Variants in AGGF1 observed in about 807,000 individuals in gnomAD.
AGGF1 encodes the protein angiogenic factor with G patch and FHA domains 1.
A neutral mutation model predicts 86.5 loss-of-function variants in AGGF1; 56 were observed. That is an observed-to-expected ratio of 0.65 (90% CI 0.52 to 0.81). AGGF1 has a LOEUF of 0.81. AGGF1 is among the 30% of genes least tolerant of loss of function. The probability of loss-of-function intolerance (pLI) is 0.00; values close to 1 mark genes in which losing one functional copy is unlikely to be tolerated. For synonymous variants in AGGF1, 313 were observed against 297.1 expected (o/e 1.05, Z -0.55); for missense variants, 816 against 850.9 (o/e 0.96, Z 0.51).
intron 9 of AGGF1, 33 bp downstream of exon 9, chr5:77,052,840 C>A: frequency 6.6e-7 from 1 of 1,505,950 alleles, no homozygotes; most frequent in Non-Finnish European, 9.2e-7. Context: ...GTTACCTGCA[C>A]ATTATTTTTA....
chr5:77,043,833 G>A (rs1428055340), intron 5 of AGGF1, among the ~76,000 whole-genome samples: 2 of 124,262 alleles, frequency 1.6e-5, no homozygotes, highest in Non-Finnish European at 3.6e-5. Context: ...CGGGGTGGTT[G>A]CCAGGCAGAG....
rs753285795 is a variant in AGGF1, at chr5:77,030,797, T to TCGCCGCCGCCGC, written c.33_44dup (p.Pro12_Pro15dup). The TCGCCGCCGCCGC allele has an allele frequency of 6.3e-7, 1 of 1,594,324 alleles. No individual in the cohort carries two copies. Among genetic ancestry groups the TCGCCGCCGCCGC allele is most frequent in the Non-Finnish European group, 8.5e-7 (1 of 1,174,316 alleles). On this transcript the variant is annotated inframe_insertion, in exon 1 of 14. Coordinates refer to ENST00000312916, the MANE Select transcript of AGGF1 (RefSeq NM_018046.5). ...CTCGGAGGCGCCGTCCCCGCCGCGGTCGCCGCCGCCGCCCACCTCCCCCGA... is the reference window on the plus strand; with the variant it reads ...CTCGGAGGCGCCGTCCCCGCCGCGGTCGCCGCCGCCGCCGCCGCCGCCGCCCACCTCCCCCGA...
chr5:77,058,251 A>G (rs1308355035), intron 11 of AGGF1, among the ~76,000 whole-genome samples: 1 of 152,166 alleles, frequency 6.6e-6, no homozygotes, highest in Non-Finnish European at 1.5e-5. Flanking sequence ...TAATCCTGTA[A>G]ATAGACCAGG....
At position 77,040,859 on chromosome 5, in the gene AGGF1, TCTGTC is replaced by T. The variant is rs1392557193; in HGVS notation, c.870+1150_870+1154del. ...CTTCTGTCCTGTCCTGTTCTGTCCTTCTGTCCTGTCCTGTTCTTTTTTGAGACAGG... is the reference window on the plus strand; with the variant it reads ...CTTCTGTCCTGTCCTGTTCTGTCCTTCTGTCCTGTTCTTTTTTGAGACAGG... On this transcript the variant is annotated intron_variant, in intron 5 of 13. Transcript: ENST00000312916. Among the ~76,000 whole-genome samples, 8 of 152,284 alleles carry T rather than the reference TCTGTC, an allele frequency of 5.3e-5. No individual in the cohort carries two copies. In the South Asian group the frequency reaches 1.2e-3, roughly 24 times the overall value.
chr5:77,039,686 A>C lies in AGGF1; in HGVS notation c.837A>C (p.Lys279Asn). Reference sequence around the variant, plus strand: ...ATAAAAAATTGAAGAAGAAAAGAAAAGATCCAGATTCTTCTGCAACAAATG... The same window carrying C: ...ATAAAAAATTGAAGAAGAAAAGAAACGATCCAGATTCTTCTGCAACAAATG... ...SKDKKLKKKR[K>N]DPDSSATNEE... Residue 279 changes from lysine to asparagine, a missense_variant, in exon 5 of 14, where the codon AAA (lysine) becomes AAC (asparagine). This residue lies in a region of AGGF1 where 565 missense variants were observed against 585.8 expected (regional missense o/e 0.96). Transcript: ENST00000312916. 1 of 1,612,116 alleles carries C rather than the reference A, an allele frequency of 6.2e-7. No homozygotes were observed. Among genetic ancestry groups the C allele is most frequent in the Non-Finnish European group, 8.5e-7 (1 of 1,179,276 alleles).
At chr5:77,052,670 ATAATAAT>A (rs897745722) in intron 8 of AGGF1, 29 bp from the exon 9 acceptor site, 4 of 1,466,396 alleles carry the variant, frequency 2.7e-6, no homozygotes, top group Non-Finnish European at 2.9e-6. Context: ...TTTGAAAAGT[ATAATAAT>A]TAATAATTGC....
chr5:77,031,041 G>T (rs1322856747), intron 1 of AGGF1, 65 bp downstream of exon 1: 10 of 1,552,546 alleles, frequency 6.4e-6, no homozygotes, highest in Non-Finnish European at 8.0e-6. Context: ...GCCCGTGATA[G>T]CCTCGGAAGG....
chr5:77,039,414 C>T (rs1271326630), intron 4 of AGGF1, 117 bp from the exon 5 acceptor site: 8 of 791,418 alleles, frequency 1.0e-5, no homozygotes, highest in Non-Finnish European at 1.6e-5. Context: ...TCATTGTCTT[C>T]TGAAAATACT....
At chr5:77,037,671 G>T (rs904440693) in intron 4 of AGGF1, among the ~76,000 whole-genome samples, 1 of 152,164 alleles carries the variant, frequency 6.6e-6, no homozygotes, top group Non-Finnish European at 1.5e-5. Flanking sequence ...AGCTACTCAG[G>T]AGGCTGATGT....
intron 5 of AGGF1, among the ~76,000 whole-genome samples, chr5:77,043,846 T>A: frequency 9.4e-6 from 1 of 105,906 alleles, no homozygotes; most frequent in Non-Finnish European, 2.0e-5. Flanking sequence ...AGGCAGAGGG[T>A]CTCCTCACTT....
At chr5:77,037,395 A>G (rs549165989) in intron 4 of AGGF1, among the ~76,000 whole-genome samples, 30 of 152,374 alleles carry the variant, frequency 2.0e-4, no homozygotes, top group African/African-American at 7.2e-4. Context: ...TTTAGGCCAC[A>G]TAAGGAGACT....
In AGGF1 at chr5:77,063,251, G is replaced by A; in HGVS notation, c.2144G>A (p.Ter715=). The part of the protein sequence containing the change: ...TMPWVKGTLE[*] Reference sequence around the variant, plus strand: ...CCTTGGGTAAAAGGGACTTTAGAGTGAAGGCTAATCATAGAAAAAAAACCT... The same window carrying A: ...CCTTGGGTAAAAGGGACTTTAGAGTAAAGGCTAATCATAGAAAAAAAACCT... The change falls in exon 14 of 14, where the codon TGA becomes TAA. Residue 715 remains the stop codon, a stop_retained_variant. Coordinates refer to ENST00000312916, the MANE Select transcript of AGGF1 (RefSeq NM_018046.5). 4 of 1,611,380 alleles carry A rather than the reference G, an allele frequency of 2.5e-6. No homozygotes were observed. Among genetic ancestry groups the A allele is most frequent in the Middle Eastern group, 3.3e-4 (2 of 6,042 alleles).
chr5:77,032,156 A>G (rs928293824), intron 1 of AGGF1, among the ~76,000 whole-genome samples: 22 of 150,668 alleles, frequency 1.5e-4, no homozygotes, highest in African/African-American at 4.9e-4. Flanking sequence ...TGACCATTAC[A>G]TGGAGTTCCT....
chr5:77,036,704 G>C lies in AGGF1; in HGVS notation c.665G>C (p.Gly222Ala). ...GGACTGTATTTTGACCACAGCACTG[G>C]TTTCTATTATGATTCTGTAAGTATC... ...NTGLYFDHST[G>A]FYYDSENQLY... The change falls in exon 4 of 14, where the codon GGT becomes GCT. Residue 222 changes from glycine to alanine, a missense_variant. Gly to Ala is a moderately conservative substitution (Grantham distance 60, BLOSUM62 0). Coordinates refer to ENST00000312916, the MANE Select transcript of AGGF1 (RefSeq NM_018046.5). The C allele has an allele frequency of 6.2e-7, 1 of 1,612,370 alleles. No individual in the cohort carries two copies. The highest frequency in any genetic ancestry group is 1.1e-5 in the South Asian group (1 of 91,002).
In AGGF1 at chr5:77,063,739, T is replaced by G. The variant is rs1399793364; in HGVS notation, c.*487T>G. The G allele has an allele frequency of 1.2e-5, 2 of 164,100 alleles. No individual in the cohort carries two copies. The highest frequency in any genetic ancestry group is 1.2e-4 in the Admixed American group (2 of 16,862). The allele number at this position is 164,100 out of a possible 1,614,324, so 10.2% of individuals were successfully genotyped here. ...AACATGGGTAGTGGCGCATACATTTTGTTATCCTTGAAATAGCCTAAGTAA... is the reference window on the plus strand; with the variant it reads ...AACATGGGTAGTGGCGCATACATTTGGTTATCCTTGAAATAGCCTAAGTAA... On this transcript the variant is annotated 3_prime_UTR_variant, in exon 14 of 14. Coordinates refer to ENST00000312916, the MANE Select transcript of AGGF1 (RefSeq NM_018046.5).
At chr5:77,035,416 T>A (rs1746946081) in intron 2 of AGGF1, 125 bp from the exon 3 acceptor site, 1 of 741,246 alleles carries the variant, frequency 1.3e-6, no homozygotes, top group African/African-American at 1.8e-5. Flanking sequence ...TTTGTACAGT[T>A]GTAAAAATCA....
chr5:77,036,486 G>C, intron 3 of AGGF1, 70 bp from the exon 4 acceptor site: 1 of 1,532,646 alleles, frequency 6.5e-7, no homozygotes, highest in South Asian at 1.1e-5. Context: ...CTCAGGTCTT[G>C]AGTTCAGCCA....
At position 77,039,533 on chromosome 5, in the gene AGGF1, A is replaced by G. The variant is rs370407365; in HGVS notation, c.684A>G (p.Glu228=). 1.1e-4 allele frequency: 182 copies of G among 1,595,798 alleles called. No homozygotes were observed. The East Asian group carries it at 2.7e-3, about 23-fold the overall frequency. Reference sequence around the variant, plus strand: ...TATTTTTTTCTTGACTTTCAAAGGAAAATCAACTCTATTATGATCCTTCCA... The same window carrying G: ...TATTTTTTTCTTGACTTTCAAAGGAGAATCAACTCTATTATGATCCTTCCA... ...DHSTGFYYDS[E]NQLYYDPSTG... Residue 228 remains glutamate, a splice_region_variant and synonymous_variant, in exon 5 of 14, where the codon GAA becomes GAG. Transcript: ENST00000312916.
intron 3 of AGGF1, among the ~76,000 whole-genome samples, chr5:77,036,262 T>C (rs945533491): frequency 1.3e-5 from 2 of 152,242 alleles, no homozygotes; most frequent in Non-Finnish European, 2.9e-5. Flanking sequence ...ATCTTTGTCT[T>C]AGCCAATATT....
Sources: gnomAD v4.1 joint callset for allele counts (sites outside exome capture counted in the v4.1 genomes callset) on GRCh38, gnomAD v4.1.1 for gene constraint, gnomAD v4.1.1 regional missense constraint, MANE v1.5 for transcripts, NCBI Gene and HGNC (gene_info 2026-07-23, HGNC 2026-07-21) for gene names.